The following THUMPD2 variants were observed in gnomAD, a reference collection of about 807,000 sequenced individuals.
THUMPD2 encodes U6 snRNA (guanine-N(2))-methyltransferase THUMPD2.
In THUMPD2, 56 loss-of-function variants were observed where a neutral mutation model predicts 49.4. The ratio of observed to expected loss-of-function variants is 1.13; its 90% confidence interval spans 0.91 to 1.41. THUMPD2 has a LOEUF of 1.41. Among genes scored for constraint, THUMPD2 ranks in the 40% most tolerant of loss-of-function variants. The pLI, the probability that THUMPD2 is intolerant of heterozygous loss-of-function variation, is 0.00. For synonymous variants in THUMPD2, 237 were observed against 205.2 expected, an observed-to-expected ratio of 1.15 and a Z score of -1.32; for missense variants, 709 against 594.5, an observed-to-expected ratio of 1.19 and a Z score of -2.00.
chr2:39,739,802 C>A (rs1673663821), intron 9 of THUMPD2, among the ~76,000 whole-genome samples: 1 of 152,148 alleles, frequency 6.6e-6, no homozygotes, highest in East Asian at 1.9e-4. Context: ...AAGAGGGAAG[C>A]CTCTTCTACT....
rs755766431 is a variant in THUMPD2 at position 39,736,953 on chromosome 2, G to A, written c.1294C>T (p.His432Tyr). Residue 432 changes from histidine (H) to tyrosine (Y), a missense_variant, in exon 10 of 10, where the codon CAC (histidine) becomes TAC (tyrosine). By Grantham distance (83) the His-to-Tyr change is moderately conservative. Transcript: ENST00000505747. ...TTTTTAATTCCAGGTTCATCTGTGT[G>A]ACTGTCCTTGGAATTGAAAGGGATG... is the stretch of plus-strand genomic sequence containing the variant. The part of the protein sequence containing the change: ...SNIPFNSKDS[H>Y]TDEPGIKKCL... The A allele has an allele frequency of 1.2e-6, 2 of 1,614,066 alleles. No homozygotes were observed. Among genetic ancestry groups the A allele is most frequent in the South Asian group, 2.2e-5 (2 of 91,076 alleles).
intron 6 of THUMPD2, 74 bp from the exon 7 acceptor site, chr2:39,756,034 A>G: frequency 7.5e-7 from 1 of 1,331,860 alleles, no homozygotes; most frequent in South Asian, 1.2e-5. Context: ...CTAAAACTTG[A>G]GGAATCAATA....
At chr2:39,756,994 T>C (rs1676229425) in intron 6 of THUMPD2, among the ~76,000 whole-genome samples, 1 of 150,254 alleles carries the variant, frequency 6.7e-6, no homozygotes, top group South Asian at 2.1e-4. Flanking sequence ...GATACCCTTC[T>C]GGGTATGACA....
At chr2:39,751,828 C>A (rs940634523) in intron 8 of THUMPD2, among the ~76,000 whole-genome samples, 3 of 151,806 alleles carry the variant, frequency 2.0e-5, no homozygotes, top group Non-Finnish European at 4.4e-5. Context: ...GGGACTACAG[C>A]CACTACGCCT....
intron 2 of THUMPD2, among the ~76,000 whole-genome samples, chr2:39,770,568 C>G (rs1416451539): frequency 6.6e-6 from 1 of 152,078 alleles, no homozygotes; most frequent in Non-Finnish European, 1.5e-5. Flanking sequence ...TTAGCCCACA[C>G]CATATTAATA....
chr2:39,766,225 A>T, intron 4 of THUMPD2, 116 bp from the exon 5 acceptor site: 1 of 683,582 alleles, frequency 1.5e-6, no homozygotes, highest in South Asian at 2.6e-5. Context: ...AGAAACTCCA[A>T]GGCCTTATTC....
At chr2:39,768,385 T>A (rs375276377) in intron 4 of THUMPD2, 39 bp downstream of exon 4, 4 of 1,478,920 alleles carry the variant, frequency 2.7e-6, no homozygotes, top group Non-Finnish European at 3.8e-6. Context: ...TTTAAAGAAT[T>A]AGGTTACAAG....
intron 8 of THUMPD2, among the ~76,000 whole-genome samples, chr2:39,745,094 A>G (rs983311010): frequency 1.3e-5 from 2 of 151,976 alleles, no homozygotes; most frequent in African/African-American, 4.8e-5. Context: ...AACACAGTAC[A>G]CTCTACCCTA....
intron 2 of THUMPD2, among the ~76,000 whole-genome samples, chr2:39,770,928 C>T (rs1169558871): frequency 2.0e-5 from 3 of 151,964 alleles, no homozygotes; most frequent in Non-Finnish European, 4.4e-5. Context: ...AGTGTCTGAC[C>T]ATGTTTTGCT....
chr2:39,740,401 A>G (rs184372943), intron 9 of THUMPD2, among the ~76,000 whole-genome samples: 1 of 152,328 alleles, frequency 6.6e-6, no homozygotes, highest in Admixed American at 6.5e-5. Flanking sequence ...TACATTAAGG[A>G]CAATCCTATT....
chr2:39,752,510 C>T (rs1020729950), intron 8 of THUMPD2, among the ~76,000 whole-genome samples: 5 of 152,110 alleles, frequency 3.3e-5, no homozygotes, highest in African/African-American at 1.2e-4. Flanking sequence ...AAAATAAACG[C>T]TTTTATCTAG....
At chr2:39,747,557 A>G (rs996782025) in intron 8 of THUMPD2, among the ~76,000 whole-genome samples, 8 of 152,192 alleles carry the variant, frequency 5.3e-5, no homozygotes, top group African/African-American at 1.9e-4. Context: ...TGAAAATTAT[A>G]TGCTTTGAAA....
At chr2:39,771,466 C>T in intron 2 of THUMPD2, 39 bp downstream of exon 2, 1 of 1,558,812 alleles carries the variant, frequency 6.4e-7, no homozygotes, top group Non-Finnish European at 8.6e-7. Context: ...TACAATGTAT[C>T]ATGTGGGTAA....
chr2:39,748,676 G>C (rs1392023222), intron 8 of THUMPD2, among the ~76,000 whole-genome samples: 2 of 151,750 alleles, frequency 1.3e-5, no homozygotes, highest in Non-Finnish European at 2.9e-5. Flanking sequence ...GACAGAGTGA[G>C]AGTCTGTCTC....
rs943393570 is a variant in THUMPD2, at chr2:39,771,495, T to C, written c.262+10A>G. On this transcript the variant is annotated intron_variant, in intron 2 of 9. Coordinates refer to ENST00000505747, the MANE Select transcript of THUMPD2 (RefSeq NM_025264.5). The stretch of plus-strand genomic sequence containing the variant: ...TGGGTAAAAGCAACATGCATATGAA[T>C]ATGCCATACCTTTACTTACAGAAGA... 2.5e-6 allele frequency: 4 copies of C among 1,586,254 alleles called. No individual in the cohort carries two copies. Among genetic ancestry groups the C allele is most frequent in the African/African-American group, 2.7e-5 (2 of 72,868 alleles).
chr2:39,738,103 G>A (rs1244655222), intron 9 of THUMPD2, among the ~76,000 whole-genome samples: 3 of 152,178 alleles, frequency 2.0e-5, no homozygotes, highest in Non-Finnish European at 4.4e-5. Context: ...TGGGGTGGCA[G>A]TACAGGTTGA....
intron 5 of THUMPD2, among the ~76,000 whole-genome samples, chr2:39,765,582 C>T (rs1384351344): frequency 6.6e-6 from 1 of 151,660 alleles, no homozygotes; most frequent in Admixed American, 6.6e-5. Context: ...GCTAGTGTTT[C>T]CTACTTTTGT....
At chr2:39,748,812 T>C (rs1007250977) in intron 8 of THUMPD2, among the ~76,000 whole-genome samples, 1 of 151,900 alleles carries the variant, frequency 6.6e-6, no homozygotes, top group African/African-American at 2.4e-5. Flanking sequence ...CCCATCTCTA[T>C]TTTTTTAAAA....
rs114063603 is a variant in THUMPD2 at position 39,746,015 on chromosome 2, T to C, written c.1079-1537A>G. Among the ~76,000 whole-genome samples, 655 of 152,336 alleles carry C rather than the reference T, an allele frequency of 4.3e-3. 7 individuals are homozygous for C. Among genetic ancestry groups the C allele is most frequent in the African/African-American group, 0.015 (626 of 41,576 alleles). Reference sequence around the variant, plus strand: ...TCATCTGTAAAATGGAATAAGATTATGTACCTCAGAAGTCAATAAAAGAGG... The same window carrying C: ...TCATCTGTAAAATGGAATAAGATTACGTACCTCAGAAGTCAATAAAAGAGG... On this transcript the variant is annotated intron_variant, in intron 8 of 9. Transcript: ENST00000505747.
Sources: gnomAD v4.1 joint callset for allele counts (sites outside exome capture counted in the v4.1 genomes callset) on GRCh38, gnomAD v4.1.1 for gene constraint, MANE v1.5 for transcripts, NCBI Gene and HGNC (gene_info 2026-07-23, HGNC 2026-07-21) for gene names.